Variants in NIBAN2 observed in about 807,000 individuals in gnomAD.
The protein encoded by NIBAN2 is protein Niban 2.
NIBAN2 carries 36 observed loss-of-function variants against 81.8 expected under a neutral mutation model. The observed-to-expected ratio is 0.44, with a 90% CI of 0.34 to 0.58. The LOEUF (loss-of-function observed/expected upper bound fraction) is 0.58. Ranked by LOEUF, NIBAN2 falls within the 20% of genes least tolerant of loss-of-function variation. The pLI is 0.02. For synonymous variants in NIBAN2, 445 were observed against 441.6 expected (o/e 1.01, Z -0.10); for missense variants, 897 against 1,014.1 (o/e 0.88, Z 1.57).
At chr9:127,568,757 C>T in intron 1 of NIBAN2, 63 bp downstream of exon 1, 1 of 1,217,866 alleles carries the variant, frequency 8.2e-7, no homozygotes, top group Non-Finnish European at 1.0e-6. Context: ...CTGGCCGGGG[C>T]GGGGGCGTGG....
intron 3 of NIBAN2, among the ~76,000 whole-genome samples, chr9:127,526,879 G>A (rs1837076455): frequency 6.6e-6 from 1 of 152,178 alleles, no homozygotes; most frequent in Admixed American, 6.5e-5. Context: ...GAGGTGGCAG[G>A]AGGAACGCCC....
At chr9:127,518,512 C>A (rs1007656377) in intron 5 of NIBAN2, among the ~76,000 whole-genome samples, 2 of 152,248 alleles carry the variant, frequency 1.3e-5, no homozygotes, top group Non-Finnish European at 2.9e-5. Context: ...TCTACAGTCA[C>A]AGCACAAAAA....
chr9:127,540,539 A>T (rs1326163028), intron 1 of NIBAN2, among the ~76,000 whole-genome samples: 1 of 152,106 alleles, frequency 6.6e-6, no homozygotes, highest in Admixed American at 6.5e-5. Context: ...TCTTCAACTC[A>T]ACCTCGGGCC....
At chr9:127,572,132 C>A (rs1837957002), upstream of NIBAN2, among the ~76,000 whole-genome samples, 1 of 152,080 alleles carries the variant, frequency 6.6e-6, no homozygotes, top group African/African-American at 2.4e-5. Flanking sequence ...GCCTCCTGGG[C>A]TCAAGGCATC....
At chr9:127,551,947 C>T (rs1422575266) in intron 1 of NIBAN2, among the ~76,000 whole-genome samples, 1 of 152,180 alleles carries the variant, frequency 6.6e-6, no homozygotes, top group East Asian at 1.9e-4. Context: ...TGAGCTCAGC[C>T]AGCAGCAGGT....
At chr9:127,541,332 C>T (rs1270486556) in intron 1 of NIBAN2, among the ~76,000 whole-genome samples, 1 of 152,238 alleles carries the variant, frequency 6.6e-6, no homozygotes, top group Non-Finnish European at 1.5e-5. Context: ...CTTGTCAGCA[C>T]CACCTCTGTG....
chr9:127,509,115 G>C lies in NIBAN2; in HGVS notation c.1178C>G (p.Ser393Cys). Residue 393 changes from serine (S) to cysteine (C), a missense_variant, in exon 10 of 14, where the codon TCC becomes TGC. Physicochemically the swap from Ser to Cys is moderately radical, Grantham distance 112 (BLOSUM62 -1). Coordinates refer to ENST00000373312, the MANE Select transcript of NIBAN2 (RefSeq NM_022833.4). The stretch of plus-strand genomic sequence containing the variant: ...CTTCAGGGGGTGGTACGCCAGCCGG[G>C]ACAGCTTCTCCATGTACTGCAGGGG... ...DKLGEYMEKL[S>C]RLAYHPLKMQ... 6.2e-7 allele frequency: 1 copy of C among 1,611,908 alleles called. No individual in the cohort carries two copies. The highest frequency in any genetic ancestry group is 8.5e-7 in the Non-Finnish European group (1 of 1,179,798).
upstream of NIBAN2, among the ~76,000 whole-genome samples, chr9:127,571,347 T>C (rs1837943740): frequency 1.3e-5 from 2 of 152,216 alleles, no homozygotes; most frequent in Non-Finnish European, 2.9e-5. Context: ...TTCTGTCACA[T>C]GTCACCTAAT....
rs1417593597 is a variant in NIBAN2, at chr9:127,507,501, T to G, written c.1655-70A>C. ...CAGCCGCCCCTGTGCTGGACTCTGC[T>G]CAAAGAAGACCCGTCTCATCCCGCC... On this transcript the variant is annotated intron_variant, in intron 13 of 13. Transcript: ENST00000373312. The surrounding 1 kb of genome is among the most constrained non-coding windows in gnomAD (Gnocchi z 6.8). 1 of 1,327,202 alleles carries G rather than the reference T, an allele frequency of 7.5e-7. No individual in the cohort carries two copies. The highest frequency in any genetic ancestry group is 2.9e-5 in the Admixed American group (1 of 34,600). The allele number at this position is 1,327,202 out of a possible 1,614,324, so 82.2% of individuals were successfully genotyped here.
chr9:127,516,503 C>T (rs1836832779), intron 8 of NIBAN2, among the ~76,000 whole-genome samples: 2 of 152,120 alleles, frequency 1.3e-5, no homozygotes, highest in Admixed American at 6.5e-5. Flanking sequence ...GAGCTGAGAT[C>T]GCACCACTAC....
At chr9:127,572,373 G>A (rs932954151), upstream of NIBAN2, among the ~76,000 whole-genome samples, 1 of 152,052 alleles carries the variant, frequency 6.6e-6, no homozygotes, top group African/African-American at 2.4e-5. Context: ...TAGGTATTGG[G>A]GATAAATCAG....
intron 1 of NIBAN2, among the ~76,000 whole-genome samples, chr9:127,565,160 C>T (rs1029867383): frequency 1.3e-5 from 2 of 152,068 alleles, no homozygotes; most frequent in Admixed American, 6.5e-5. Context: ...CGGGGCTTTG[C>T]CATGTTGCCC....
In NIBAN2 at chr9:127,510,223, G is replaced by C; in HGVS notation, c.1084C>G (p.Arg362Gly). ...GTGACCTCCTTGAAGAAGACATCTCGCACCTCAGTGAAGCCCTGGCTGGTG... is the reference window on the plus strand; with the variant it reads ...GTGACCTCCTTGAAGAAGACATCTCCCACCTCAGTGAAGCCCTGGCTGGTG... ...VPTSQGFTEV[R>G]DVFFKEVTDM... Residue 362 changes from arginine to glycine, a missense_variant, in exon 9 of 14, where the codon CGA becomes GGA. By Grantham distance (125) the Arg-to-Gly change is moderately radical (BLOSUM62 -2). Coordinates refer to ENST00000373312, the MANE Select transcript of NIBAN2 (RefSeq NM_022833.4). 6.2e-7 allele frequency: 1 copy of C among 1,614,068 alleles called. No individual in the cohort carries two copies. The highest frequency in any genetic ancestry group is 8.5e-7 in the Non-Finnish European group (1 of 1,179,994).
At position 127,510,225 on chromosome 9, in the gene NIBAN2, A is replaced by G; in HGVS notation, c.1082T>C (p.Val361Ala). 6.2e-7 allele frequency: 1 copy of G among 1,614,052 alleles called. No individual in the cohort carries two copies. The highest frequency in any genetic ancestry group is 8.5e-7 in the Non-Finnish European group (1 of 1,179,968). Reference sequence around the variant, plus strand: ...GACCTCCTTGAAGAAGACATCTCGCACCTCAGTGAAGCCCTGGCTGGTGGG... The same window carrying G: ...GACCTCCTTGAAGAAGACATCTCGCGCCTCAGTGAAGCCCTGGCTGGTGGG... ...MVPTSQGFTE[V>A]RDVFFKEVTD... is the part of the protein sequence containing the mutation. Residue 361 changes from valine to alanine, a missense_variant, in exon 9 of 14, where the codon GTG (valine) becomes GCG (alanine). Coordinates refer to ENST00000373312, the MANE Select transcript of NIBAN2 (RefSeq NM_022833.4).
intron 5 of NIBAN2, among the ~76,000 whole-genome samples, chr9:127,518,304 G>C (rs1276904036): frequency 6.6e-6 from 1 of 152,206 alleles, no homozygotes; most frequent in African/African-American, 2.4e-5. Flanking sequence ...AGAGCAGGGA[G>C]TGGCAGAGCC....
At chr9:127,513,554 C>A (rs1192218551) in intron 8 of NIBAN2, among the ~76,000 whole-genome samples, 1 of 152,144 alleles carries the variant, frequency 6.6e-6, no homozygotes. Context: ...CCACCAAAAC[C>A]AAGATGGTGA....
Position 127,531,640 on chromosome 9 carries a change from C to G in NIBAN2, c.186+8G>C. On this transcript the variant is annotated splice_region_variant and intron_variant, in intron 2 of 13. Coordinates refer to ENST00000373312, the MANE Select transcript of NIBAN2 (RefSeq NM_022833.4). ...AGAACATACCCGAGCCCTCCCAGCA[C>G]CTCTCACCTTGCGCCAGAGCAGCTG... 6.2e-7 allele frequency: 1 copy of G among 1,612,218 alleles called. No homozygotes were observed. The highest frequency in any genetic ancestry group is 1.1e-5 in the South Asian group (1 of 91,066).
intron 1 of NIBAN2, among the ~76,000 whole-genome samples, chr9:127,554,967 G>T (rs947379984): frequency 6.6e-6 from 1 of 152,028 alleles, no homozygotes; most frequent in Non-Finnish European, 1.5e-5. Flanking sequence ...AATCAGGAGA[G>T]AATAAAAAAA....
chr9:127,555,232 G>T (rs77264738), intron 1 of NIBAN2, among the ~76,000 whole-genome samples: 3,003 of 152,252 alleles, frequency 0.02, 48 homozygotes, highest in Non-Finnish European at 0.029. Context: ...AAATGTTGGG[G>T]TGGGTTTCTC....
Sources: gnomAD v4.1 joint callset for allele counts (sites outside exome capture counted in the v4.1 genomes callset) on GRCh38, gnomAD v4.1.1 for gene constraint, Gnocchi (gnomAD v3.1) non-coding constraint, MANE v1.5 for transcripts, NCBI Gene and HGNC (gene_info 2026-07-23, HGNC 2026-07-21) for gene names.